Variants in UBL3 observed in about 807,000 individuals in gnomAD.
UBL3 encodes ubiquitin-like protein 3.
Under a neutral mutation model 18.4 loss-of-function variants are expected in UBL3, and 6 were observed. The ratio of observed to expected loss-of-function variants is 0.33; its 90% CI spans 0.18 to 0.64. UBL3 has a LOEUF of 0.64. Ranked by LOEUF, UBL3 falls within the 30% of genes least tolerant of loss-of-function variation. The pLI is 0.76. For missense variants in UBL3, 109 were observed against 142.9 expected, an observed-to-expected ratio of 0.76 and a Z score of 1.21; for synonymous variants, 49 against 46.6, an observed-to-expected ratio of 1.05 and a Z score of -0.21.
intron 1 of UBL3, among the ~76,000 whole-genome samples, chr13:29,816,554 T>G (rs568996475): frequency 2.4e-4 from 36 of 150,770 alleles, no homozygotes; most frequent in Non-Finnish European, 4.0e-4. Context: ...AGCCCAAGAG[T>G]TTGAGACCAG....
chr13:29,805,150 ATAAT>A (rs1877868562), intron 1 of UBL3, among the ~76,000 whole-genome samples: 1 of 152,244 alleles, frequency 6.6e-6, no homozygotes, highest in Admixed American at 6.5e-5. Flanking sequence ...AGACTACTCA[ATAAT>A]TAAGAGGTAT....
chr13:29,841,141 C>T (rs1228008002), intron 1 of UBL3, among the ~76,000 whole-genome samples: 1 of 151,904 alleles, frequency 6.6e-6, no homozygotes, highest in Non-Finnish European at 1.5e-5. Flanking sequence ...TAATGTCAAA[C>T]TTCAACAATT....
At chr13:29,772,657 A>T (rs1876875971) in intron 2 of UBL3, among the ~76,000 whole-genome samples, 1 of 152,138 alleles carries the variant, frequency 6.6e-6, no homozygotes, top group African/African-American at 2.4e-5. Context: ...TGATATTGAG[A>T]ATAACAAAAA....
intron 3 of UBL3, among the ~76,000 whole-genome samples, chr13:29,768,513 G>A (rs1249445182): frequency 6.6e-6 from 1 of 152,002 alleles, no homozygotes; most frequent in Non-Finnish European, 1.5e-5. Flanking sequence ...ACTGAAGTAA[G>A]GCCTAAGATC....
At chr13:29,769,421 C>G (rs920657340) in intron 3 of UBL3, among the ~76,000 whole-genome samples, 1 of 152,086 alleles carries the variant, frequency 6.6e-6, no homozygotes, top group African/African-American at 2.4e-5. Context: ...TTCTTCCTTT[C>G]ACTGTGGATG....
chr13:29,767,863 C>T (rs946624636), intron 3 of UBL3, among the ~76,000 whole-genome samples, 168 bp from the exon 4 acceptor site: 4 of 151,978 alleles, frequency 2.6e-5, no homozygotes, highest in African/African-American at 9.7e-5. Context: ...TCAGAAATAA[C>T]ATTTAAAATT....
rs1429751059 is a variant in UBL3 at position 29,849,738 on chromosome 13, G to A, written c.-200C>T. The A allele has an allele frequency of 1.5e-6, 1 of 670,954 alleles. No homozygotes were observed. 41.6% of individuals were successfully genotyped at this position (670,954 alleles called of 1,614,324 possible). A position where few individuals can be genotyped will look rare whatever the true frequency, so the allele number is the denominator to read the frequency against. On this transcript the variant is annotated 5_prime_UTR_variant, in exon 1 of 5. Coordinates refer to ENST00000380680, the MANE Select transcript of UBL3 (RefSeq NM_007106.4). The stretch of plus-strand genomic sequence containing the variant: ...CGAAGAGGAACAATCCCCAGGAGCT[G>A]TGTGGCCGGAGCAGGAGGAAACTCC...
At chr13:29,767,841 A>C (rs915131826) in intron 3 of UBL3, 146 bp from the exon 4 acceptor site, 2 of 583,116 alleles carry the variant, frequency 3.4e-6, no homozygotes, top group African/African-American at 3.9e-5. Context: ...TCACAAAATT[A>C]GGTTAATATT....
chr13:29,792,840 C>T (rs984855793), intron 1 of UBL3, among the ~76,000 whole-genome samples: 13 of 152,134 alleles, frequency 8.5e-5, no homozygotes, highest in Admixed American at 2.6e-4. Context: ...GCAGGAAAAA[C>T]GACAAGCAAA....
rs1433035590 is a variant in UBL3 at position 29,836,154 on chromosome 13, T to C, written c.27+13358A>G. On this transcript the variant is annotated intron_variant, in intron 1 of 4. Transcript: ENST00000380680. The stretch of plus-strand genomic sequence containing the variant: ...AAGTAGATGGATTCTAGATATACTT[T>C]GAAAGTGACTGAATATAAAGAATGA... 3.3e-5 allele frequency among the ~76,000 whole-genome samples: 5 copies of C among 152,182 alleles called. No homozygotes were observed. In the East Asian group the frequency reaches 9.7e-4, roughly 29 times the overall value.
In UBL3 at chr13:29,825,702, G is replaced by A. The variant is rs369749977; in HGVS notation, c.27+23810C>T. On this transcript the variant is annotated intron_variant, in intron 1 of 4. Transcript: ENST00000380680. Reference sequence around the variant, plus strand: ...TGAATACCCTTTCTTTCTCCTGCCCGATTGCTCTGGCCAGAAATTCCAACA... The same window carrying A: ...TGAATACCCTTTCTTTCTCCTGCCCAATTGCTCTGGCCAGAAATTCCAACA... Among the ~76,000 whole-genome samples, 7 of 152,176 alleles carry A rather than the reference G, an allele frequency of 4.6e-5. No homozygotes were observed. In the East Asian group the frequency reaches 5.8e-4, roughly 13 times the overall value.
At chr13:29,779,701 A>G (rs1877096666) in intron 1 of UBL3, among the ~76,000 whole-genome samples, 1 of 152,214 alleles carries the variant, frequency 6.6e-6, no homozygotes, top group Non-Finnish European at 1.5e-5. Flanking sequence ...ATCTGACATG[A>G]ACAGATAGCC....
At chr13:29,820,439 G>C (rs1878403659) in intron 1 of UBL3, among the ~76,000 whole-genome samples, 1 of 152,084 alleles carries the variant, frequency 6.6e-6, no homozygotes. Context: ...GCCTCCCAAA[G>C]TGCTGAGATT....
chr13:29,780,158 T>G (rs1051107216), intron 1 of UBL3, among the ~76,000 whole-genome samples: 1 of 151,294 alleles, frequency 6.6e-6, no homozygotes, highest in Non-Finnish European at 1.5e-5. Context: ...ATCGAGACCA[T>G]CCTGGCTAAC....
chr13:29,801,463 A>G (rs1311154298), intron 1 of UBL3, among the ~76,000 whole-genome samples: 1 of 152,064 alleles, frequency 6.6e-6, no homozygotes, highest in Non-Finnish European at 1.5e-5. Context: ...AGAGGAGCTC[A>G]GCTTCTTCTC....
rs544226491 is a variant in UBL3, at chr13:29,833,679, T to C, written c.27+15833A>G. ...TATTTAAAACTGAACACAGACATAC[T>C]CAGCACTCCCAACCCCCTTTACTGC... is the stretch of plus-strand genomic sequence containing the variant. On this transcript the variant is annotated intron_variant, in intron 1 of 4. Transcript: ENST00000380680. Among the ~76,000 whole-genome samples the C allele has an allele frequency of 1.2e-4, 19 of 152,278 alleles. No homozygotes were observed. The South Asian group carries it at 3.7e-3, about 30-fold the overall frequency.
At chr13:29,829,541 C>T (rs781303647) in intron 1 of UBL3, among the ~76,000 whole-genome samples, 1 of 152,236 alleles carries the variant, frequency 6.6e-6, no homozygotes, top group Non-Finnish European at 1.5e-5. Context: ...GTTGGAAAAA[C>T]ACAGTATTAG....
At chr13:29,844,709 G>A (rs1334218590) in intron 1 of UBL3, among the ~76,000 whole-genome samples, 1 of 152,034 alleles carries the variant, frequency 6.6e-6, no homozygotes. Context: ...CCCAGAATAA[G>A]ATGACTTAGA....
chr13:29,824,104 T>A (rs1372000087), intron 1 of UBL3, among the ~76,000 whole-genome samples: 1 of 152,200 alleles, frequency 6.6e-6, no homozygotes, highest in Non-Finnish European at 1.5e-5. Context: ...ATCCAGACTA[T>A]CACTGATGGA....
Sources: gnomAD v4.1 joint callset for allele counts (sites outside exome capture counted in the v4.1 genomes callset) on GRCh38, gnomAD v4.1.1 for gene constraint, MANE v1.5 for transcripts, NCBI Gene and HGNC (gene_info 2026-07-23, HGNC 2026-07-21) for gene names.